CERS6: variants seen among roughly 807,000 people sequenced by gnomAD.
The protein encoded by CERS6 is LAG1 homolog, ceramide synthase 6.
In CERS6, 26 loss-of-function variants were observed where a neutral mutation model predicts 56.8. The observed-to-expected ratio is 0.46, with a 90% CI of 0.34 to 0.63. The LOEUF (loss-of-function observed/expected upper bound fraction) is 0.63, where lower values mean the gene tolerates loss of function less well. Ranked by LOEUF, CERS6 falls within the 30% of genes least tolerant of loss-of-function variation. The pLI, the probability that CERS6 is intolerant of heterozygous loss-of-function variation, is 0.01. For synonymous variants in CERS6, 164 were observed against 173.3 expected (o/e 0.95, Z 0.42); for missense variants, 415 against 467.5 (o/e 0.89, Z 1.04).
At chr2:168,601,662 G>A (rs750628595) in intron 3 of CERS6, among the ~76,000 whole-genome samples, 1 of 151,698 alleles carries the variant, frequency 6.6e-6, no homozygotes, top group Non-Finnish European at 1.5e-5. Flanking sequence ...CAGTTCTTCT[G>A]CCTCAGCCTC....
At chr2:168,657,652 T>C (rs866271040) in intron 4 of CERS6, among the ~76,000 whole-genome samples, 15 of 152,340 alleles carry the variant, frequency 9.8e-5, no homozygotes, top group Non-Finnish European at 1.5e-4. Context: ...GCTGGGGGAC[T>C]CAGTACACCC....
At chr2:168,639,039 A>C (rs1684927243) in intron 4 of CERS6, among the ~76,000 whole-genome samples, 1 of 152,184 alleles carries the variant, frequency 6.6e-6, no homozygotes, top group Non-Finnish European at 1.5e-5. Flanking sequence ...AAACTCTAGA[A>C]ATAAAAAAAA....
In CERS6 at chr2:168,470,816, T is replaced by A. The variant is rs536265755; in HGVS notation, c.170+14198T>A. Among the ~76,000 whole-genome samples the A allele has an allele frequency of 2.0e-3, 307 of 152,300 alleles. 2 individuals carry two copies. The highest frequency in any genetic ancestry group is 3.3e-3 in the Non-Finnish European group (225 of 68,020). On this transcript the variant is annotated intron_variant, in intron 1 of 9. Coordinates refer to ENST00000305747, the MANE Select transcript of CERS6 (RefSeq NM_203463.3). Reference sequence around the variant, plus strand: ...TGTTTTATGTTCATAGTTTTGAGTTTTACAATGTGTGAAGCTTACTTTTGC... The same window carrying A: ...TGTTTTATGTTCATAGTTTTGAGTTATACAATGTGTGAAGCTTACTTTTGC...
intron 8 of CERS6, among the ~76,000 whole-genome samples, chr2:168,758,523 G>A (rs535225922): frequency 1.4e-4 from 22 of 152,226 alleles, no homozygotes; most frequent in Non-Finnish European, 2.4e-4. Context: ...GCAAATTTGC[G>A]GTTACTTGAC....
intron 1 of CERS6, among the ~76,000 whole-genome samples, chr2:168,465,353 C>T (rs1486334344): frequency 6.6e-6 from 1 of 152,158 alleles, no homozygotes; most frequent in African/African-American, 2.4e-5. Flanking sequence ...ACTGTATTCT[C>T]ACATCACGGA....
intron 1 of CERS6, among the ~76,000 whole-genome samples, chr2:168,544,043 C>T (rs1695418998): frequency 6.6e-6 from 1 of 152,222 alleles, no homozygotes; most frequent in Non-Finnish European, 1.5e-5. Flanking sequence ...CAAATACTCA[C>T]TGAGTACCCA....
In CERS6 at chr2:168,642,098, G is replaced by A. The variant is rs183164607; in HGVS notation, c.465+11056G>A. 2.8e-3 allele frequency among the ~76,000 whole-genome samples: 388 copies of A among 138,826 alleles called. 2 individuals carry two copies. Among genetic ancestry groups the A allele is most frequent in the Non-Finnish European group, 4.3e-3 (283 of 66,546 alleles). 91.1% of individuals were successfully genotyped at this position (138,826 alleles called of 152,430 possible). A position where few individuals can be genotyped will look rare whatever the true frequency, so the allele number is the denominator to read the frequency against. ...TAAAAATGATCTACTGTAGGCAGGG[G>A]GCAGTGGCACACACCATAATCCCAG... On this transcript the variant is annotated intron_variant, in intron 4 of 9. Transcript: ENST00000305747.
At chr2:168,730,666 T>C (rs1434804610) in intron 8 of CERS6, among the ~76,000 whole-genome samples, 1 of 152,212 alleles carries the variant, frequency 6.6e-6, no homozygotes, top group African/African-American at 2.4e-5. Flanking sequence ...ACAAGCTCCA[T>C]GTCTCTCAGG....
intron 4 of CERS6, among the ~76,000 whole-genome samples, 200 bp downstream of exon 4, chr2:168,631,242 T>C (rs902488635): frequency 1.4e-4 from 21 of 150,820 alleles, no homozygotes; most frequent in Admixed American, 7.3e-4. Context: ...GGGTTATTTA[T>C]TACTTTTCAG....
rs952997239 is a variant in CERS6, at chr2:168,770,382, G to A, written c.*720G>A. 6.6e-6 allele frequency: 1 copy of A among 152,246 alleles called. No individual in the cohort carries two copies. The highest frequency in any genetic ancestry group is 1.5e-5 in the Non-Finnish European group (1 of 68,068). 9.4% of individuals were successfully genotyped at this position (152,246 alleles called of 1,614,324 possible). Reference sequence around the variant, plus strand: ...GAGGGTTAACCTTGTAGGTTGCAGAGTGTATTTGTTTGTTTGTTTGTTTTT... The same window carrying A: ...GAGGGTTAACCTTGTAGGTTGCAGAATGTATTTGTTTGTTTGTTTGTTTTT... On this transcript the variant is annotated 3_prime_UTR_variant, in exon 10 of 10. Transcript: ENST00000305747.
intron 1 of CERS6, among the ~76,000 whole-genome samples, chr2:168,513,601 C>T (rs929534194): frequency 2.0e-5 from 3 of 152,168 alleles, no homozygotes; most frequent in Non-Finnish European, 2.9e-5. Flanking sequence ...GCCATTCTCA[C>T]TCCATCATGT....
intron 3 of CERS6, among the ~76,000 whole-genome samples, chr2:168,578,202 T>G (rs1431033303): frequency 1.3e-5 from 2 of 152,026 alleles, no homozygotes; most frequent in Non-Finnish European, 2.9e-5. Context: ...ATTTCCACAT[T>G]GTTTACAGGA....
intron 8 of CERS6, among the ~76,000 whole-genome samples, chr2:168,751,321 G>C (rs1165115896): frequency 1.3e-5 from 2 of 152,186 alleles, no homozygotes; most frequent in Non-Finnish European, 1.5e-5. Flanking sequence ...TTATGACCCA[G>C]ATATGATACC....
intron 1 of CERS6, among the ~76,000 whole-genome samples, chr2:168,524,843 A>C (rs1402924861): frequency 1.3e-5 from 2 of 150,976 alleles, no homozygotes; most frequent in Non-Finnish European, 2.9e-5. Context: ...AATTAATTAT[A>C]GTATATATTA....
intron 3 of CERS6, among the ~76,000 whole-genome samples, chr2:168,580,442 C>A (rs1377588302): frequency 1.3e-5 from 2 of 152,152 alleles, no homozygotes; most frequent in African/African-American, 2.4e-5. Context: ...CTCTTTTACC[C>A]TCCTAGAAAA....
chr2:168,573,370 A>G (rs981829885), intron 3 of CERS6, among the ~76,000 whole-genome samples: 3 of 152,232 alleles, frequency 2.0e-5, no homozygotes, highest in Admixed American at 2.0e-4. Flanking sequence ...AAATCAACAA[A>G]TCTAAGAATT....
rs1206296313 is a variant in CERS6, at chr2:168,725,470, A to G, written c.845+7492A>G. On this transcript the variant is annotated intron_variant, in intron 8 of 9. Coordinates refer to ENST00000305747, the MANE Select transcript of CERS6 (RefSeq NM_203463.3). ...GCACGCTGTCACCTCTCACTAACAC[A>G]TCCTTAAATAATTTGATTGTTCCTT... Among the ~76,000 whole-genome samples the G allele has an allele frequency of 3.3e-5, 5 of 152,248 alleles. No individual in the cohort carries two copies. In the South Asian group the frequency reaches 6.2e-4, roughly 19 times the overall value.
chr2:168,765,842 A>C, intron 9 of CERS6, 94 bp downstream of exon 9: 1 of 1,150,410 alleles, frequency 8.7e-7, no homozygotes, highest in South Asian at 1.7e-5. Flanking sequence ...ATTTCATCAA[A>C]ATTGGTAGTA....
At chr2:168,503,097 C>T (rs1264337269) in intron 1 of CERS6, among the ~76,000 whole-genome samples, 9 of 152,162 alleles carry the variant, frequency 5.9e-5, no homozygotes, top group African/African-American at 1.9e-4. Flanking sequence ...TGAGTGAGTT[C>T]TCATGAGATC....
Sources: gnomAD v4.1 joint callset for allele counts (sites outside exome capture counted in the v4.1 genomes callset) on GRCh38, gnomAD v4.1.1 for gene constraint, MANE v1.5 for transcripts, NCBI Gene and HGNC (gene_info 2026-07-23, HGNC 2026-07-21) for gene names.